LBP: variants seen among roughly 807,000 people sequenced by gnomAD.
LBP encodes lipopolysaccharide-binding protein.
In LBP, 53 loss-of-function variants were observed where a neutral mutation model predicts 56.6. The ratio of observed to expected loss-of-function variants is 0.94; its 90% CI spans 0.75 to 1.18. The LOEUF is 1.18. Ranked by LOEUF, LBP falls within the 50% of genes most tolerant of loss-of-function variation. The probability of loss-of-function intolerance (pLI) is 0.00; values close to 1 mark genes in which losing one functional copy is unlikely to be tolerated. For synonymous variants in LBP, 227 were observed against 247.5 expected (o/e 0.92, Z 0.78); for missense variants, 601 against 598.3 (o/e 1.00, Z -0.05).
At chr20:38,370,621 C>T (rs2122624946) in intron 10 of LBP, 117 bp from the exon 11 acceptor site, 3 of 883,712 alleles carry the variant, frequency 3.4e-6, no homozygotes, top group East Asian at 4.9e-5. Flanking sequence ...GGGCAAATTT[C>T]CTGCTTTAGC....
rs770242581 is a variant in LBP at position 38,376,720 on chromosome 20, T to A, written c.*51T>A. 31 of 1,509,064 alleles carry A rather than the reference T, an allele frequency of 2.1e-5. No homozygotes were observed. In the South Asian group the frequency reaches 3.0e-4, roughly 15 times the overall value. 93.5% of individuals were successfully genotyped at this position (1,509,064 alleles called of 1,614,324 possible). ...TCACAGCTGGATCTGCTTGTTGCAT[T>A]TCCAGCTGTGCAGCACGTCTCAGAG... On this transcript the variant is annotated 3_prime_UTR_variant, in exon 15 of 15. Transcript: ENST00000217407.
rs373886226 is a variant in LBP at position 38,346,494 on chromosome 20, G to C, written c.-23G>C. ...CCAATCCACAGCTGGGACAGTCCTG[G>C]CCCACTGCACTGGGAATCTAGGATG... On this transcript the variant is annotated 5_prime_UTR_variant, in exon 1 of 15. Coordinates refer to ENST00000217407, the MANE Select transcript of LBP (RefSeq NM_004139.5). The C allele has an allele frequency of 1.9e-6, 3 of 1,612,596 alleles. No homozygotes were observed. The African/African-American group carries it at 4.0e-5, about 22-fold the overall frequency.
intron 2 of LBP, 66 bp downstream of exon 2, chr20:38,349,728 G>A (rs1326351484): frequency 6.0e-6 from 7 of 1,170,156 alleles, no homozygotes; most frequent in Middle Eastern, 2.3e-4. Flanking sequence ...GAATTGGAGA[G>A]TGAGGAAGAG....
intron 5 of LBP, 65 bp from the exon 6 acceptor site, chr20:38,360,639 G>A (rs1284556192): frequency 1.9e-6 from 2 of 1,078,518 alleles, no homozygotes; most frequent in Admixed American, 1.7e-5. Context: ...TGACTGCAGT[G>A]ATCAGCACGG....
intron 10 of LBP, among the ~76,000 whole-genome samples, chr20:38,369,580 C>G (rs765564312): frequency 6.6e-6 from 1 of 152,208 alleles, no homozygotes; most frequent in Non-Finnish European, 1.5e-5. Context: ...ATGGGAGGTA[C>G]TGTCAGGAGA....
At chr20:38,370,203 A>G (rs1195029982) in intron 10 of LBP, among the ~76,000 whole-genome samples, 2 of 152,100 alleles carry the variant, frequency 1.3e-5, no homozygotes, top group Non-Finnish European at 2.9e-5. Flanking sequence ...GCAAGACTCC[A>G]TTGCTACAAA....
At chr20:38,371,425 A>T in intron 12 of LBP, 103 bp downstream of exon 12, 2 of 919,558 alleles carry the variant, frequency 2.2e-6, no homozygotes, top group South Asian at 3.1e-5. Flanking sequence ...AAAGGAGAAG[A>T]GTTGATTTTT....
chr20:38,368,047 AAAAG>A (rs559104819), intron 9 of LBP, among the ~76,000 whole-genome samples: 100 of 152,106 alleles, frequency 6.6e-4, no homozygotes, highest in African/African-American at 2.1e-3. Context: ...GAAAAGTTAA[AAAAG>A]AAAGAAAGAA....
intron 12 of LBP, 28 bp from the exon 13 acceptor site, chr20:38,373,044 T>G: frequency 6.2e-7 from 1 of 1,607,858 alleles, no homozygotes; most frequent in Non-Finnish European, 8.5e-7. Context: ...TGTGGCGATG[T>G]AAATATATCT....
At position 38,373,490 on chromosome 20, in the gene LBP, C is replaced by T. The variant is rs1361169521; in HGVS notation, c.1324+355C>T. On this transcript the variant is annotated intron_variant, in intron 13 of 14. Transcript: ENST00000217407. ...CAGCCGCCTCTGAACTCACATCTCCCAGTCAATTGCCCAACTGCCTAGTCA... is the reference window on the plus strand; with the variant it reads ...CAGCCGCCTCTGAACTCACATCTCCTAGTCAATTGCCCAACTGCCTAGTCA... Among the ~76,000 whole-genome samples the T allele has an allele frequency of 2.0e-5, 3 of 152,202 alleles. No individual in the cohort carries two copies. In the South Asian group the frequency reaches 6.2e-4, roughly 32 times the overall value.
chr20:38,347,477 G>T (rs543063628), intron 1 of LBP, among the ~76,000 whole-genome samples: 36 of 152,324 alleles, frequency 2.4e-4, no homozygotes, highest in African/African-American at 8.4e-4. Flanking sequence ...CCGGGAGGCA[G>T]AGGTTGCAGT....
intron 3 of LBP, among the ~76,000 whole-genome samples, chr20:38,352,487 G>A (rs1180787274): frequency 6.6e-6 from 1 of 152,224 alleles, no homozygotes; most frequent in African/African-American, 2.4e-5. Flanking sequence ...GAGCACGGTG[G>A]CTCATGCCTG....
intron 14 of LBP, among the ~76,000 whole-genome samples, chr20:38,374,479 C>CT (rs2076911206): frequency 6.6e-6 from 1 of 151,658 alleles, no homozygotes; most frequent in Non-Finnish European, 1.5e-5. Context: ...TGCCTGTAAT[C>CT]CCAGCTACTC....
chr20:38,355,538 G>A, intron 5 of LBP, 129 bp downstream of exon 5: 2 of 802,676 alleles, frequency 2.5e-6, no homozygotes, highest in East Asian at 2.6e-5. Context: ...AGCCCAGGGA[G>A]GACAAATCAT....
intron 10 of LBP, among the ~76,000 whole-genome samples, chr20:38,370,424 AC>A (rs777661579): frequency 6.6e-6 from 1 of 152,144 alleles, no homozygotes; most frequent in African/African-American, 2.4e-5. Flanking sequence ...CTGAATCTTG[AC>A]CTGAGATAAC....
chr20:38,374,789 T>TC (rs2076912415), intron 14 of LBP, among the ~76,000 whole-genome samples: 1 of 147,166 alleles, frequency 6.8e-6, no homozygotes, highest in Non-Finnish European at 1.5e-5. Context: ...ATATACTTTT[T>TC]TTTTTTTTTT....
At chr20:38,374,778 T>C (rs1050948480) in intron 14 of LBP, among the ~76,000 whole-genome samples, 1 of 137,028 alleles carries the variant, frequency 7.3e-6, no homozygotes, top group Non-Finnish European at 1.5e-5. Context: ...ACTACAACCA[T>C]ATATACTTTT....
chr20:38,350,888 C>T lies in LBP; in HGVS notation c.317C>T (p.Ser106Phe), dbSNP rs748618159. The stretch of plus-strand genomic sequence containing the variant: ...GGCCAGGGCCTGAGTCTCAGCATCT[C>T]CGACTCCTCCATCCGGGTCCAGGGC... ...VPGQGLSLSISDSSIRVQGRW... is the reference protein window; with the variant it reads ...VPGQGLSLSIFDSSIRVQGRW... Residue 106 changes from serine to phenylalanine, a missense_variant, in exon 3 of 15, where the codon TCC becomes TTC. Ser to Phe is a radical substitution (Grantham distance 155, BLOSUM62 -2). Transcript: ENST00000217407. The T allele has an allele frequency of 6.2e-7, 1 of 1,614,102 alleles. No individual in the cohort carries two copies. The highest frequency in any genetic ancestry group is 1.7e-5 in the Admixed American group (1 of 60,034).
intron 1 of LBP, 111 bp from the exon 2 acceptor site, chr20:38,349,437 T>G: frequency 1.3e-6 from 1 of 746,180 alleles, no homozygotes; most frequent in Non-Finnish European, 2.3e-6. Context: ...TACTTAATGC[T>G]AATAAGGATG....
Sources: allele counts gnomAD v4.1 joint callset (sites outside exome capture counted in the v4.1 genomes callset), GRCh38; gene constraint gnomAD v4.1.1; transcripts MANE v1.5; gene names NCBI Gene and HGNC (gene_info 2026-07-23, HGNC 2026-07-21).